Variants in MRPS6 observed in about 807,000 individuals in gnomAD.
The protein encoded by MRPS6 is small ribosomal subunit protein bS6m.
MRPS6 carries 6 observed loss-of-function variants against 13.1 expected under a neutral mutation model. The ratio of observed to expected loss-of-function variants is 0.46; its 90% confidence interval spans 0.25 to 0.91. The LOEUF (loss-of-function observed/expected upper bound fraction) is 0.91. Among genes scored for constraint, MRPS6 ranks in the 40% least tolerant of loss-of-function variants. MRPS6 has a pLI of 0.18. For missense variants in MRPS6, 164 were observed against 155.6 expected (o/e 1.05, Z -0.29); for synonymous variants, 61 against 56.5 (o/e 1.08, Z -0.36).
At chr21:34,087,615 A>T (rs1407085928) in intron 1 of MRPS6, among the ~76,000 whole-genome samples, 3 of 152,228 alleles carry the variant, frequency 2.0e-5, no homozygotes, top group Admixed American at 2.0e-4. Flanking sequence ...ACTTTTGTGC[A>T]AAGACGTAAA....
chr21:34,095,452 A>G, intron 1 of MRPS6: 2 of 1,614,126 alleles, frequency 1.2e-6, no homozygotes, highest in Non-Finnish European at 1.7e-6. Flanking sequence ...TGGGAATTCA[A>G]TGCCTTACTG....
chr21:34,099,478 CATT>C, intron 1 of MRPS6: 1 of 999,864 alleles, frequency 1.0e-6, no homozygotes, highest in African/African-American at 1.7e-5. Flanking sequence ...TTCAAATTAA[CATT>C]AAGTTGTAAG....
chr21:34,092,941 G>A (rs1323658266), intron 1 of MRPS6, among the ~76,000 whole-genome samples: 2 of 152,174 alleles, frequency 1.3e-5, no homozygotes, highest in Non-Finnish European at 2.9e-5. Flanking sequence ...GTAGCAGAGA[G>A]CCCTGGAGGC....
chr21:34,101,604 T>C, intron 1 of MRPS6: 1 of 1,000,246 alleles, frequency 1.0e-6, no homozygotes. Context: ...CTACACCTAG[T>C]CTTTTCAGCA....
intron 1 of MRPS6, among the ~76,000 whole-genome samples, chr21:34,120,066 G>A (rs1980066730): frequency 6.6e-6 from 1 of 152,210 alleles, no homozygotes; most frequent in Admixed American, 6.5e-5. Flanking sequence ...AGAACAGCTG[G>A]TACGTTAGCA....
chr21:34,134,494 A>G (rs769095822), intron 2 of MRPS6, among the ~76,000 whole-genome samples: 1 of 152,208 alleles, frequency 6.6e-6, no homozygotes, highest in Non-Finnish European at 1.5e-5. Context: ...TAAAATCATC[A>G]GCTTTATAGC....
At chr21:34,097,768 T>TCCTA (rs1023622101) in intron 1 of MRPS6, 6 of 1,001,436 alleles carry the variant, frequency 6.0e-6, no homozygotes, top group African/African-American at 5.2e-5. Flanking sequence ...CTGTAATCCC[T>TCCTA]CCTACCATTA....
chr21:34,124,734 C>G (rs1182777234), intron 1 of MRPS6: 1 of 152,106 alleles, frequency 6.6e-6, no homozygotes, highest in Non-Finnish European at 1.5e-5. Context: ...GCCCTCTGGT[C>G]TCTATGCTAT....
intron 1 of MRPS6, chr21:34,102,583 G>C: frequency 2.0e-6 from 2 of 1,000,076 alleles, no homozygotes; most frequent in Non-Finnish European, 2.4e-6. Context: ...TACATAGTCT[G>C]AGGCTATTGA....
At chr21:34,142,279 T>G in intron 2 of MRPS6, 129 bp from the exon 3 acceptor site, 1 of 929,986 alleles carries the variant, frequency 1.1e-6, no homozygotes, top group African/African-American at 1.7e-5. Flanking sequence ...GACAAGGTTA[T>G]GTGTGTGTAT....
At chr21:34,093,307 G>T (rs543273418) in intron 1 of MRPS6, among the ~76,000 whole-genome samples, 2 of 150,352 alleles carry the variant, frequency 1.3e-5, no homozygotes, top group South Asian at 2.1e-4. Flanking sequence ...CACTTAGAAA[G>T]GATTTAAATC....
chr21:34,075,575 A>T (rs555259336), intron 1 of MRPS6, among the ~76,000 whole-genome samples: 2 of 152,362 alleles, frequency 1.3e-5, no homozygotes, highest in African/African-American at 4.8e-5. Context: ...TAGAAAGTAG[A>T]TAATAAAGGT....
At chr21:34,125,170 T>C in intron 1 of MRPS6, 171 bp from the exon 2 acceptor site, 1 of 1,014,074 alleles carries the variant, frequency 9.9e-7, no homozygotes, top group Non-Finnish European at 1.4e-6. Context: ...TTACAATAAA[T>C]TCTCTCTCTC....
chr21:34,116,116 C>T (rs1427843543), intron 1 of MRPS6, among the ~76,000 whole-genome samples: 1 of 151,684 alleles, frequency 6.6e-6, no homozygotes, highest in African/African-American at 2.4e-5. Flanking sequence ...TCAAGCAATC[C>T]TCCTATCTTA....
chr21:34,106,233 A>G (rs565490244), intron 1 of MRPS6: 137 of 927,490 alleles, frequency 1.5e-4, no homozygotes, highest in Non-Finnish European at 1.7e-4. Flanking sequence ...GCAATTCTGT[A>G]CCAACTTTGA....
At chr21:34,085,158 T>G (rs1182787459) in intron 1 of MRPS6, among the ~76,000 whole-genome samples, 1 of 152,228 alleles carries the variant, frequency 6.6e-6, no homozygotes, top group Non-Finnish European at 1.5e-5. Context: ...TTAGTCTCCT[T>G]GAACAGTTCC....
chr21:34,080,843 C>T (rs1177257397), intron 1 of MRPS6, among the ~76,000 whole-genome samples: 1 of 152,240 alleles, frequency 6.6e-6, no homozygotes, highest in Admixed American at 6.5e-5. Flanking sequence ...TGCTATGATA[C>T]AGCGTGTTGA....
intron 1 of MRPS6, among the ~76,000 whole-genome samples, chr21:34,084,779 T>C (rs1989533966): frequency 6.6e-6 from 1 of 152,226 alleles, no homozygotes; most frequent in Non-Finnish European, 1.5e-5. Flanking sequence ...TCTGCTCACC[T>C]CTGTTTTCTT....
intron 1 of MRPS6, chr21:34,103,493 G>A (rs893534224): frequency 1.0e-6 from 1 of 998,904 alleles, no homozygotes; most frequent in African/African-American, 1.7e-5. Flanking sequence ...TGTTTCCATT[G>A]TAGGTTGATA....
Sources: allele counts gnomAD v4.1 joint callset (sites outside exome capture counted in the v4.1 genomes callset), GRCh38; gene constraint gnomAD v4.1.1; transcripts MANE v1.5; gene names NCBI Gene and HGNC (gene_info 2026-07-23, HGNC 2026-07-21).